The following PLEKHG6 variants were observed in gnomAD, a reference collection of about 807,000 sequenced individuals.
The protein encoded by PLEKHG6 is pleckstrin homology and RhoGEF domain containing G6, also known as pleckstrin homology domain-containing family G member 6.
In PLEKHG6, 91 loss-of-function variants were observed where a neutral mutation model predicts 97.5. The observed-to-expected ratio is 0.93, with a 90% CI of 0.79 to 1.11. The LOEUF (loss-of-function observed/expected upper bound fraction) is 1.11, where lower values mean the gene tolerates loss of function less well. PLEKHG6 is among the 50% of genes most tolerant of loss of function. PLEKHG6 has a pLI of 0.00. For synonymous variants in PLEKHG6, 466 were observed against 425.5 expected (o/e 1.10, Z -1.17); for missense variants, 1,044 against 1,031.0 (o/e 1.01, Z -0.17).
At position 6,319,059 on chromosome 12, in the gene PLEKHG6, C is replaced by T; in HGVS notation, c.1475C>T (p.Pro492Leu). 6.2e-7 allele frequency: 1 copy of T among 1,613,450 alleles called. No individual in the cohort carries two copies. The highest frequency in any genetic ancestry group is 8.5e-7 in the Non-Finnish European group (1 of 1,179,484). ...TCCAGCGCCCTCCTTGTGCACTGTCCCAGTCCTACAGACCGTGCCCAGTGG... is the reference window on the plus strand; with the variant it reads ...TCCAGCGCCCTCCTTGTGCACTGTCTCAGTCCTACAGACCGTGCCCAGTGG... ...CVSSALLVHC[P>L]SPTDRAQWLE... is the part of the protein sequence containing the mutation. Residue 492 changes from proline (P) to leucine (L), a missense_variant, in exon 13 of 16, where the codon CCC becomes CTC. Coordinates refer to ENST00000684764, the MANE Select transcript of PLEKHG6 (RefSeq NM_001384598.1).
At chr12:6,310,679 G>C (rs1947225808), upstream of PLEKHG6, 1 of 152,138 alleles carries the variant, frequency 6.6e-6, no homozygotes, top group African/African-American at 2.4e-5. Flanking sequence ...CCCGGTCCCC[G>C]CCCTCCTCGC....
At chr12:6,320,850 G>C (rs1592031151) in intron 13 of PLEKHG6, among the ~76,000 whole-genome samples, 1 of 152,226 alleles carries the variant, frequency 6.6e-6, no homozygotes, top group African/African-American at 2.4e-5. Context: ...AGGACCAGCT[G>C]GGCTGGATAT....
In PLEKHG6 at chr12:6,316,993, A is replaced by G. The variant is rs891010489; in HGVS notation, c.757-310A>G. 6.6e-5 allele frequency among the ~76,000 whole-genome samples: 10 copies of G among 152,166 alleles called. No homozygotes were observed. Among genetic ancestry groups the G allele is most frequent in the African/African-American group, 1.9e-4 (8 of 41,440 alleles). ...AAATGGGATCTGCAATGTCCTGACA[A>G]CGGTCCAGCTGAATTATCGATGGTG... On this transcript the variant is annotated intron_variant, in intron 7 of 15. Transcript: ENST00000684764. This position sits in a 1 kb window ranked among gnomAD's most constrained non-coding sequence, Gnocchi z 4.1.
intron 13 of PLEKHG6, among the ~76,000 whole-genome samples, chr12:6,324,442 A>G (rs1415453209): frequency 6.6e-6 from 1 of 152,062 alleles, no homozygotes; most frequent in Non-Finnish European, 1.5e-5. Flanking sequence ...CCCGAAACAC[A>G]AACCTGAATT....
At position 6,316,347 on chromosome 12, in the gene PLEKHG6, G is replaced by T. The variant is rs1427741819; in HGVS notation, c.699G>T (p.Glu233Asp). 6.4e-7 allele frequency: 1 copy of T among 1,564,852 alleles called. No homozygotes were observed. Among genetic ancestry groups the T allele is most frequent in the Non-Finnish European group, 8.7e-7 (1 of 1,154,126 alleles). The part of the protein sequence containing the change: ...WDEVLGPTLE[E>D]TRASGQPLDP... ...AGGTGCTGGGGCCCACCCTGGAGGA[G>T]ACTCGGGCCTCGGGCCAGCCTCTGG... The change falls in exon 7 of 16, where the codon GAG becomes GAT. Residue 233 changes from glutamate to aspartate, a missense_variant. Physicochemically the swap from Glu to Asp is conservative, Grantham distance 45. Transcript: ENST00000684764. The surrounding 1 kb of genome is among the most constrained non-coding windows in gnomAD (Gnocchi z 4.1).
intron 10 of PLEKHG6, 133 bp from the exon 11 acceptor site, chr12:6,318,168 G>T (rs747423077): frequency 2.1e-5 from 30 of 1,462,904 alleles, no homozygotes; most frequent in Non-Finnish European, 2.8e-5. Context: ...AGGAGGCCCT[G>T]GGAGGCTTTC....
Position 6,315,942 on chromosome 12 carries a change from A to G in PLEKHG6, c.606+23A>G, listed in dbSNP as rs895535551. 7.0e-6 allele frequency: 11 copies of G among 1,564,288 alleles called. No individual in the cohort carries two copies. The highest frequency in any genetic ancestry group is 1.9e-5 in the Admixed American group (1 of 53,244). ...GAAGTGAGTGGGTGCTCAGGAGGGG[A>G]CCCTGGCACAGCCCGACCTCTGAGC... On this transcript the variant is annotated intron_variant, in intron 6 of 15. Transcript: ENST00000684764. This position sits in a 1 kb window ranked among gnomAD's most constrained non-coding sequence, Gnocchi z 4.5.
At position 6,315,852 on chromosome 12, in the gene PLEKHG6, C is replaced by A; in HGVS notation, c.556-17C>A. On this transcript the variant is annotated splice_polypyrimidine_tract_variant and intron_variant, in intron 5 of 15. Transcript: ENST00000684764. The surrounding 1 kb of genome is among the most constrained non-coding windows in gnomAD (Gnocchi z 4.5). Reference sequence around the variant, plus strand: ...GGGCTGCGCTGGGTCCTGAGACCCTCGTCTCCCTCCCTGCAGCTGCTAGCC... The same window carrying A: ...GGGCTGCGCTGGGTCCTGAGACCCTAGTCTCCCTCCCTGCAGCTGCTAGCC... 1 of 1,552,660 alleles carries A rather than the reference C, an allele frequency of 6.4e-7. No individual in the cohort carries two copies. Among genetic ancestry groups the A allele is most frequent in the Non-Finnish European group, 8.7e-7 (1 of 1,147,428 alleles).
chr12:6,323,420 T>C (rs988585433), intron 13 of PLEKHG6, among the ~76,000 whole-genome samples: 6 of 152,196 alleles, frequency 3.9e-5, no homozygotes, highest in African/African-American at 1.4e-4. Context: ...CATAGAGCAA[T>C]CCCCAGGGGG....
At chr12:6,313,200 T>TC (rs1947333427) in intron 2 of PLEKHG6, 1 of 1,547,760 alleles carries the variant, frequency 6.5e-7, no homozygotes, top group Non-Finnish European at 8.7e-7. Flanking sequence ...AGTGCCCTCG[T>TC]CCCCATGTGT....
At chr12:6,322,957 C>T (rs1014188491) in intron 13 of PLEKHG6, among the ~76,000 whole-genome samples, 6 of 152,176 alleles carry the variant, frequency 3.9e-5, no homozygotes, top group Non-Finnish European at 8.8e-5. Flanking sequence ...AAAGCGCAAG[C>T]TAGTGGCATC....
At chr12:6,312,994 T>C (rs1275422915) in intron 2 of PLEKHG6, 1 of 1,455,068 alleles carries the variant, frequency 6.9e-7, no homozygotes, top group Non-Finnish European at 9.1e-7. Context: ...GATGGGACTT[T>C]CCTAGGCTGT....
At chr12:6,326,605 G>A (rs758793579) in intron 14 of PLEKHG6, 32 bp downstream of exon 14, 58 of 1,426,888 alleles carry the variant, frequency 4.1e-5, no homozygotes, top group Admixed American at 5.7e-5. Flanking sequence ...AGGTCTCCCC[G>A]AGCAGGAGGA....
At chr12:6,321,595 T>C (rs1332527954) in intron 13 of PLEKHG6, among the ~76,000 whole-genome samples, 1 of 150,578 alleles carries the variant, frequency 6.6e-6, no homozygotes, top group Admixed American at 6.6e-5. Flanking sequence ...TCCCAGCACT[T>C]TGGGAGGCCG....
chr12:6,321,748 A>G (rs1947708951), intron 13 of PLEKHG6, among the ~76,000 whole-genome samples: 1 of 143,124 alleles, frequency 7.0e-6, no homozygotes, highest in Non-Finnish European at 1.5e-5. Context: ...AATGGCGTGA[A>G]CCCGGGAGGC....
At position 6,317,357 on chromosome 12, in the gene PLEKHG6, A is replaced by G; in HGVS notation, c.811A>G (p.Met271Val). 1.2e-6 allele frequency: 2 copies of G among 1,614,144 alleles called. No homozygotes were observed. Among genetic ancestry groups the G allele is most frequent in the Non-Finnish European group, 1.7e-6 (2 of 1,180,006 alleles). Residue 271 changes from methionine (M) to valine (V), a missense_variant, in exon 8 of 16, where the codon ATG (methionine) becomes GTG (valine). Met to Val is a conservative substitution (Grantham distance 21, BLOSUM62 1). Transcript: ENST00000684764. ...GTACTGCCTCCGAGTGAAGCAGACCATGGCTTACGCCCGAGAACAGCAAGA... is the reference window on the plus strand; with the variant it reads ...GTACTGCCTCCGAGTGAAGCAGACCGTGGCTTACGCCCGAGAACAGCAAGA... ...VQYCLRVKQT[M>V]AYAREQQETN...
At chr12:6,318,078 C>T in intron 10 of PLEKHG6, 84 bp downstream of exon 10, 2 of 1,464,536 alleles carry the variant, frequency 1.4e-6, no homozygotes, top group Admixed American at 4.5e-5. Context: ...CCAGAACACC[C>T]CGTACTTGGG....
Position 6,327,376 on chromosome 12 carries a change from C to T in PLEKHG6, c.1793C>T (p.Pro598Leu), listed in dbSNP as rs1361257604. ...SGYGTLIPGT[P>L]TGSRSPLSRL... ...TACGGCACTTTGATCCCAGGCACCC[C>T]CACGGGGTCCCGCTCCCCACTGAGC... The change falls in exon 15 of 16, where the codon CCC becomes CTC. Residue 598 changes from proline (P) to leucine (L), a missense_variant. Pro to Leu is a moderately conservative substitution (Grantham distance 98). Coordinates refer to ENST00000684764, the MANE Select transcript of PLEKHG6 (RefSeq NM_001384598.1). 2 of 1,614,086 alleles carry T rather than the reference C, an allele frequency of 1.2e-6. No individual in the cohort carries two copies. Among genetic ancestry groups the T allele is most frequent in the Admixed American group, 3.3e-5 (2 of 60,018 alleles).
intron 11 of PLEKHG6, 146 bp downstream of exon 11, chr12:6,318,566 C>A: frequency 8.2e-7 from 1 of 1,219,288 alleles, no homozygotes; most frequent in Non-Finnish European, 1.1e-6. Flanking sequence ...CCTGAGCCAG[C>A]CACTTTGCCT....
Sources: allele counts gnomAD v4.1 joint callset (sites outside exome capture counted in the v4.1 genomes callset), GRCh38; gene constraint gnomAD v4.1.1; non-coding constraint Gnocchi (gnomAD v3.1); transcripts MANE v1.5; gene names NCBI Gene and HGNC (gene_info 2026-07-23, HGNC 2026-07-21).